The following RXRA variants were observed in gnomAD, a reference collection of about 807,000 sequenced individuals.
The protein encoded by RXRA is retinoic acid receptor RXR-alpha.
RXRA carries 5 observed loss-of-function variants against 44.5 expected under a neutral mutation model. That is an observed-to-expected ratio of 0.11 (90% CI 0.06 to 0.24). RXRA has a LOEUF of 0.24. Among genes scored for constraint, RXRA ranks in the 10% least tolerant of loss-of-function variants. RXRA has a pLI of 1.00. For missense variants in RXRA, 412 were observed against 646.5 expected (o/e 0.64, Z 3.93); for synonymous variants, 291 against 271.4 (o/e 1.07, Z -0.71).
chr9:134,434,288 T>G (rs1432649014), intron 9 of RXRA, 81 bp downstream of exon 9: 1 of 1,028,238 alleles, frequency 9.7e-7, no homozygotes, highest in African/African-American at 1.6e-5. Context: ...GGCCATTTTA[T>G]GTGAATGAGA....
intron 7 of RXRA, among the ~76,000 whole-genome samples, chr9:134,429,856 C>T (rs998733971): frequency 6.6e-5 from 10 of 151,830 alleles, no homozygotes; most frequent in African/African-American, 2.2e-4. Context: ...CCAGGCGAGG[C>T]GGACAGTAGC....
chr9:134,376,470 C>G (rs1018006102), intron 1 of RXRA, among the ~76,000 whole-genome samples: 1 of 152,216 alleles, frequency 6.6e-6, no homozygotes, highest in Non-Finnish European at 1.5e-5. Context: ...CCTACCGTTT[C>G]TTCTCTCTCC....
At chr9:134,369,987 G>A (rs1830470990) in intron 1 of RXRA, among the ~76,000 whole-genome samples, 2 of 152,156 alleles carry the variant, frequency 1.3e-5, no homozygotes, top group Admixed American at 1.3e-4. Flanking sequence ...GGTGTACTCA[G>A]AGCCTCGGTG....
chr9:134,344,837 A>G (rs1204782682), intron 1 of RXRA, among the ~76,000 whole-genome samples: 2 of 152,196 alleles, frequency 1.3e-5, no homozygotes, highest in Admixed American at 1.3e-4. Context: ...TCGACGCTCT[A>G]TGGGCACTGG....
At chr9:134,362,194 C>T (rs556608892) in intron 1 of RXRA, among the ~76,000 whole-genome samples, 1 of 152,268 alleles carries the variant, frequency 6.6e-6, no homozygotes, top group South Asian at 2.1e-4. Flanking sequence ...GGGCCCAGTG[C>T]GTGGCCGCTG....
chr9:134,410,894 C>T (rs564628288), intron 4 of RXRA, among the ~76,000 whole-genome samples: 1 of 152,328 alleles, frequency 6.6e-6, no homozygotes, highest in East Asian at 1.9e-4. Context: ...GCAGTAAGCT[C>T]GCTGTCCTTT....
intron 1 of RXRA, among the ~76,000 whole-genome samples, chr9:134,338,315 G>A (rs915068979): frequency 2.6e-5 from 4 of 152,228 alleles, no homozygotes; most frequent in African/African-American, 9.6e-5. Flanking sequence ...CGTGGGACAT[G>A]GTTTCTAAAG....
chr9:134,425,497 G>T (rs1333592774), intron 6 of RXRA: 4 of 982,064 alleles, frequency 4.1e-6, no homozygotes, highest in Non-Finnish European at 4.8e-6. Flanking sequence ...CTCCAGCGGG[G>T]TCGTCTGAGG....
chr9:134,331,485 C>T (rs1324707277), intron 1 of RXRA, among the ~76,000 whole-genome samples: 3 of 152,202 alleles, frequency 2.0e-5, no homozygotes, highest in Admixed American at 1.3e-4. Flanking sequence ...GCCGCTGGCC[C>T]GTGTCCTGGC....
At chr9:134,375,686 C>T (rs906135677) in intron 1 of RXRA, among the ~76,000 whole-genome samples, 6 of 152,062 alleles carry the variant, frequency 3.9e-5, no homozygotes, top group African/African-American at 1.4e-4. Flanking sequence ...AGCTCTGGGC[C>T]CTGTGTGGGT....
Position 134,421,883 on chromosome 9 carries a change from T to TACTCCGCACTCCCGGGAC in RXRA, c.910+84_910+101dup, listed in dbSNP as rs762642217. ...ACCAGGACACTCCCCCCTCCCGGGA[T>TACTCCGCACTCCCGGGAC]ACTCCGCACTCCCGGGACACTCCCC... On this transcript the variant is annotated intron_variant, in intron 6 of 9. Transcript: ENST00000481739. 2.8e-5 allele frequency: 43 copies of TACTCCGCACTCCCGGGAC among 1,517,860 alleles called. No individual in the cohort carries two copies. In the South Asian group the frequency reaches 3.7e-4, roughly 13 times the overall value. The allele number at this position is 1,517,860 out of a possible 1,614,324, so 94.0% of individuals were successfully genotyped here. A position where few individuals can be genotyped will look rare whatever the true frequency, so the allele number is the denominator to read the frequency against.
chr9:134,395,540 A>C (rs1031584553), intron 1 of RXRA, among the ~76,000 whole-genome samples: 1 of 152,034 alleles, frequency 6.6e-6, no homozygotes, highest in South Asian at 2.1e-4. Flanking sequence ...GGAGATGGAC[A>C]CCTTGGTGTG....
chr9:134,347,220 A>G (rs1830163817), intron 1 of RXRA, among the ~76,000 whole-genome samples: 1 of 152,198 alleles, frequency 6.6e-6, no homozygotes, highest in Admixed American at 6.5e-5. Context: ...TGGGGCAGCC[A>G]TAAGGAGAGC....
Position 134,349,805 on chromosome 9 carries a change from G to A in RXRA, c.28+23146G>A, listed in dbSNP as rs1554749237. ...AGGAAGGCTGCTTGGAGGAGGGGCA[G>A]AGCTGGGCTAGCTCGGGTGGGCGGG... On this transcript the variant is annotated intron_variant, in intron 1 of 9. Coordinates refer to ENST00000481739, the MANE Select transcript of RXRA (RefSeq NM_002957.6). This position sits in a 1 kb window ranked among gnomAD's most constrained non-coding sequence, Gnocchi z 4.3. Among the ~76,000 whole-genome samples the A allele has an allele frequency of 6.6e-6, 1 of 150,560 alleles. No homozygotes were observed. Among genetic ancestry groups the A allele is most frequent in the African/African-American group, 2.4e-5 (1 of 40,906 alleles).
rs999129227 is a variant in RXRA, at chr9:134,365,920, C to T, written c.29-35712C>T. On this transcript the variant is annotated intron_variant, in intron 1 of 9. Transcript: ENST00000481739. This position sits in a 1 kb window ranked among gnomAD's most constrained non-coding sequence, Gnocchi z 4.0. Reference sequence around the variant, plus strand: ...TGGCCGTCGGGGAGGTGCACACAGACGCTCAGCACAGTTGTGGCTGCCTCC... The same window carrying T: ...TGGCCGTCGGGGAGGTGCACACAGATGCTCAGCACAGTTGTGGCTGCCTCC... Among the ~76,000 whole-genome samples the T allele has an allele frequency of 2.6e-5, 4 of 152,174 alleles. No homozygotes were observed. The highest frequency in any genetic ancestry group is 7.2e-5 in the African/African-American group (3 of 41,522).
intron 1 of RXRA, among the ~76,000 whole-genome samples, chr9:134,348,254 C>T (rs1467727623): frequency 6.6e-6 from 1 of 152,168 alleles, no homozygotes; most frequent in African/African-American, 2.4e-5. Flanking sequence ...ACCTGGAAGC[C>T]TCCCAGGAGG....
At chr9:134,336,510 G>T (rs1421440612) in intron 1 of RXRA, among the ~76,000 whole-genome samples, 1 of 152,218 alleles carries the variant, frequency 6.6e-6, no homozygotes, top group Non-Finnish European at 1.5e-5. Context: ...AGGATGCCAG[G>T]CAGAGTCCAC....
chr9:134,382,130 G>GC (rs896583959), intron 1 of RXRA, among the ~76,000 whole-genome samples: 6 of 151,962 alleles, frequency 3.9e-5, no homozygotes, highest in Non-Finnish European at 8.8e-5. Flanking sequence ...GGATGTGGGG[G>GC]GGCGCAGGGC....
At chr9:134,432,017 G>A in intron 8 of RXRA, 21 bp downstream of exon 8, 2 of 1,600,374 alleles carry the variant, frequency 1.2e-6, no homozygotes, top group Non-Finnish European at 8.6e-7. Context: ...CCTGCCTTGA[G>A]GCTTCTGGCC....
Sources: allele counts gnomAD v4.1 joint callset (sites outside exome capture counted in the v4.1 genomes callset), GRCh38; gene constraint gnomAD v4.1.1; non-coding constraint Gnocchi (gnomAD v3.1); transcripts MANE v1.5; gene names NCBI Gene and HGNC (gene_info 2026-07-23, HGNC 2026-07-21).